Variants in CNIH3 observed in about 807,000 individuals in gnomAD.
The protein encoded by CNIH3 is protein cornichon homolog 3.
CNIH3 carries 14 observed loss-of-function variants against 24.1 expected under a neutral mutation model. The ratio of observed to expected loss-of-function variants is 0.58; its 90% CI spans 0.38 to 0.91. The LOEUF (loss-of-function observed/expected upper bound fraction) is 0.91. Ranked by LOEUF, CNIH3 falls within the 40% of genes least tolerant of loss-of-function variation. CNIH3 has a pLI of 0.00. For missense variants in CNIH3, 178 were observed against 196.8 expected (o/e 0.90, Z 0.57); for synonymous variants, 68 against 73.8 (o/e 0.92, Z 0.40).
At chr1:224,715,063 C>T (rs1467858486) in intron 3 of CNIH3, among the ~76,000 whole-genome samples, 5 of 152,220 alleles carry the variant, frequency 3.3e-5, no homozygotes, top group Non-Finnish European at 5.9e-5. Flanking sequence ...TGTTCACACG[C>T]GTCTCCCTAG....
chr1:224,581,768 G>T (rs1197439380), intron 4 of CNIH3, among the ~76,000 whole-genome samples: 1 of 152,146 alleles, frequency 6.6e-6, no homozygotes, highest in Admixed American at 6.5e-5. Flanking sequence ...ATGATTTAAG[G>T]TCAAATTTAG....
At chr1:224,675,649 T>A (rs1316781713) in intron 1 of CNIH3, among the ~76,000 whole-genome samples, 1 of 152,168 alleles carries the variant, frequency 6.6e-6, no homozygotes, top group Admixed American at 6.5e-5. Flanking sequence ...TAATTTTGTT[T>A]TAAAAGAGAA....
intron 1 of CNIH3, among the ~76,000 whole-genome samples, chr1:224,657,320 G>A (rs375581145): frequency 6.6e-6 from 1 of 152,022 alleles, no homozygotes. Flanking sequence ...TCATCATAAA[G>A]CCAGTCCGCT....
At chr1:224,590,682 C>A (rs1681716200), downstream of CNIH3, among the ~76,000 whole-genome samples, 1 of 151,254 alleles carries the variant, frequency 6.6e-6, no homozygotes, top group East Asian at 1.9e-4. Context: ...GACCTAAACA[C>A]CCCCCCTTAG....
At chr1:224,547,505 C>A (rs1302483917) in intron 3 of CNIH3, among the ~76,000 whole-genome samples, 2 of 152,008 alleles carry the variant, frequency 1.3e-5, no homozygotes, top group African/African-American at 4.8e-5. Context: ...TGGGTGTACA[C>A]CCTGTGATAG....
chr1:224,634,397 C>T (rs1454425378), intron 1 of CNIH3, among the ~76,000 whole-genome samples: 2 of 152,122 alleles, frequency 1.3e-5, no homozygotes, highest in East Asian at 1.9e-4. Context: ...AGTGAAACCC[C>T]GTCTCTACTA....
intron 3 of CNIH3, among the ~76,000 whole-genome samples, chr1:224,696,310 C>T (rs1687175034): frequency 2.6e-5 from 4 of 152,342 alleles, no homozygotes; most frequent in Admixed American, 2.6e-4. Context: ...AAGTCACACA[C>T]ACCACTTCTC....
At chr1:224,734,079 C>T (rs1187510323) in intron 4 of CNIH3, among the ~76,000 whole-genome samples, 1 of 152,226 alleles carries the variant, frequency 6.6e-6, no homozygotes, top group Non-Finnish European at 1.5e-5. Flanking sequence ...AGTTCTAGGT[C>T]CCACTATCAA....
chr1:224,674,418 G>A (rs1210987164), intron 1 of CNIH3, among the ~76,000 whole-genome samples: 1 of 151,038 alleles, frequency 6.6e-6, no homozygotes, highest in Non-Finnish European at 1.5e-5. Context: ...AGCATGAGAT[G>A]CTTTATAGAG....
At chr1:224,558,673 C>A (rs758890773) in intron 3 of CNIH3, among the ~76,000 whole-genome samples, 4 of 152,194 alleles carry the variant, frequency 2.6e-5, no homozygotes, top group Non-Finnish European at 5.9e-5. Context: ...AAAGTCCCCA[C>A]CCCTTGATGG....
chr1:224,687,057 C>T (rs1024378506), intron 3 of CNIH3, among the ~76,000 whole-genome samples: 44 of 152,112 alleles, frequency 2.9e-4, no homozygotes, highest in African/African-American at 9.9e-4. Context: ...TGGAAAATAC[C>T]GGGGAGAAAA....
At chr1:224,435,017 T>G in intron 1 of CNIH3, 1 of 985,548 alleles carries the variant, frequency 1.0e-6, no homozygotes, top group Non-Finnish European at 1.2e-6. Context: ...GCTCGGGCCT[T>G]TCCCCTTGCG....
intron 3 of CNIH3, among the ~76,000 whole-genome samples, chr1:224,593,983 C>T (rs1270715562): frequency 6.6e-6 from 1 of 152,106 alleles, no homozygotes; most frequent in Non-Finnish European, 1.5e-5. Flanking sequence ...AACCAGGTTA[C>T]CAACAGCTGG....
intron 3 of CNIH3, among the ~76,000 whole-genome samples, chr1:224,550,144 T>G (rs1259644947): frequency 2.6e-5 from 4 of 152,190 alleles, no homozygotes; most frequent in Admixed American, 2.6e-4. Context: ...ACAATGTACA[T>G]GTACTGTGTG....
intron 3 of CNIH3, among the ~76,000 whole-genome samples, chr1:224,700,789 T>C (rs1465767): frequency 0.25 from 38,717 of 152,006 alleles, 5,216 homozygotes; most frequent in East Asian, 0.38. Flanking sequence ...TGGACCTAGA[T>C]GGTTGGCTCA....
At chr1:224,722,553 TG>T (rs1272229280) in intron 3 of CNIH3, among the ~76,000 whole-genome samples, 1 of 152,066 alleles carries the variant, frequency 6.6e-6, no homozygotes, top group African/African-American at 2.4e-5. Flanking sequence ...CAGGAGAAAC[TG>T]GATGCTGGAG....
chr1:224,719,583 A>G (rs914956398), intron 3 of CNIH3, among the ~76,000 whole-genome samples: 11 of 152,206 alleles, frequency 7.2e-5, no homozygotes, highest in African/African-American at 2.7e-4. Context: ...TGTGCCAGAA[A>G]CTATTTTAAG....
chr1:224,485,016 C>G (rs1676971819), intron 1 of CNIH3, among the ~76,000 whole-genome samples: 1 of 152,074 alleles, frequency 6.6e-6, no homozygotes, highest in African/African-American at 2.4e-5. Flanking sequence ...TGGTATCTAT[C>G]TTTGATTGTA....
intron 1 of CNIH3, among the ~76,000 whole-genome samples, chr1:224,484,812 T>A (rs998490762): frequency 6.6e-6 from 1 of 152,230 alleles, no homozygotes; most frequent in African/African-American, 2.4e-5. Flanking sequence ...TTTTATAGTT[T>A]TAATCTCTAG....
Sources: allele counts gnomAD v4.1 joint callset (sites outside exome capture counted in the v4.1 genomes callset), GRCh38; gene constraint gnomAD v4.1.1; transcripts MANE v1.5; gene names NCBI Gene and HGNC (gene_info 2026-07-23, HGNC 2026-07-21).